ANKRD6: variants seen among roughly 807,000 people sequenced by gnomAD.
ANKRD6 encodes the protein ankyrin repeat domain 6.
A neutral mutation model predicts 82.3 loss-of-function variants in ANKRD6; 56 were observed. The ratio of observed to expected loss-of-function variants is 0.68; its 90% CI spans 0.55 to 0.85. The LOEUF (loss-of-function observed/expected upper bound fraction) is 0.85, where lower values mean the gene tolerates loss of function less well. Among genes scored for constraint, ANKRD6 ranks in the 40% least tolerant of loss-of-function variants. ANKRD6 has a pLI of 0.00. For missense variants in ANKRD6, 852 were observed against 907.6 expected (o/e 0.94, Z 0.79); for synonymous variants, 347 against 352.1 (o/e 0.99, Z 0.16).
chr6:89,560,485 T>C (rs781480177), intron 1 of ANKRD6, among the ~76,000 whole-genome samples: 3 of 152,240 alleles, frequency 2.0e-5, no homozygotes, highest in Non-Finnish European at 4.4e-5. Flanking sequence ...CTTCAACATA[T>C]GAATTGGGGG....
chr6:89,579,267 A>G (rs1791888103), intron 2 of ANKRD6, among the ~76,000 whole-genome samples: 1 of 152,242 alleles, frequency 6.6e-6, no homozygotes, highest in Non-Finnish European at 1.5e-5. Flanking sequence ...TTTAAGCACT[A>G]CCTGAATCAG....
At chr6:89,545,235 A>C (rs1254844984) in intron 1 of ANKRD6, among the ~76,000 whole-genome samples, 1 of 151,752 alleles carries the variant, frequency 6.6e-6, no homozygotes, top group African/African-American at 2.4e-5. Context: ...AAAAAAGAAA[A>C]GAAAAAGGGC....
chr6:89,598,436 G>A lies in ANKRD6; in HGVS notation c.219+2422G>A, dbSNP rs550271772. On this transcript the variant is annotated intron_variant, in intron 3 of 15. Coordinates refer to ENST00000339746, the MANE Select transcript of ANKRD6 (RefSeq NM_001242809.2). The stretch of plus-strand genomic sequence containing the variant: ...AGATCAGAGAGAGAAAAAGAGGTCA[G>A]CAACTTGCTTTACACACCTAACCTG... 4.4e-4 allele frequency: 434 copies of A among 985,118 alleles called. 13 individuals are homozygous for A. In the South Asian group the frequency reaches 0.018, roughly 41 times the overall value. The allele number at this position is 985,118 out of a possible 1,614,324, so 61.0% of individuals were successfully genotyped here.
chr6:89,499,922 TA>T (rs1779080056), intron 1 of ANKRD6, among the ~76,000 whole-genome samples: 1 of 151,640 alleles, frequency 6.6e-6, no homozygotes, highest in Non-Finnish European at 1.5e-5. Context: ...AACCAAAGAG[TA>T]ATGGAGACAA....
chr6:89,611,420 C>T (rs1371265735), intron 5 of ANKRD6, among the ~76,000 whole-genome samples: 8 of 152,196 alleles, frequency 5.3e-5, no homozygotes. Context: ...GACACAATGT[C>T]ACCTATCACA....
At chr6:89,584,435 T>C (rs938032730) in intron 2 of ANKRD6, among the ~76,000 whole-genome samples, 34 of 152,242 alleles carry the variant, frequency 2.2e-4, no homozygotes, top group African/African-American at 8.2e-4. Flanking sequence ...TAAGTTATAA[T>C]GACTTAGGTT....
intron 1 of ANKRD6, among the ~76,000 whole-genome samples, chr6:89,452,515 C>CAT (rs1475185854): frequency 1.3e-5 from 2 of 152,222 alleles, no homozygotes; most frequent in African/African-American, 4.8e-5. Flanking sequence ...GAGTAAATGA[C>CAT]ATTCATTAAG....
chr6:89,620,341 G>A lies in ANKRD6; in HGVS notation c.793-1581G>A, dbSNP rs539988610. 2.0e-5 allele frequency: 3 copies of A among 152,282 alleles called. No homozygotes were observed. In the East Asian group the frequency reaches 5.8e-4, roughly 29 times the overall value. The allele number at this position is 152,282 out of a possible 1,614,324, so 9.4% of individuals were successfully genotyped here. On this transcript the variant is annotated intron_variant, in intron 9 of 15. Transcript: ENST00000339746. ...TTTGCTGATTCTTATTTTGGGTTTGGGTGACCTCTGAGTGTCACTTGTCAT... is the reference window on the plus strand; with the variant it reads ...TTTGCTGATTCTTATTTTGGGTTTGAGTGACCTCTGAGTGTCACTTGTCAT...
intron 1 of ANKRD6, chr6:89,508,967 G>C (rs1780202033): frequency 6.6e-6 from 1 of 152,452 alleles, no homozygotes; most frequent in African/African-American, 2.4e-5. Flanking sequence ...AGGTGAGGAG[G>C]GTGCTTCCAA....
chr6:89,486,603 G>A (rs1777407066), intron 1 of ANKRD6, among the ~76,000 whole-genome samples: 1 of 152,046 alleles, frequency 6.6e-6, no homozygotes, highest in Admixed American at 6.6e-5. Context: ...TGTCAGCATG[G>A]ATTAGTTCTT....
chr6:89,437,612 A>G lies in ANKRD6; in HGVS notation c.-144+4237A>G, dbSNP rs145545988. ...TTTGGGGGAGGCAAATTTAATTTTAAGAGTGTCTTCTGGTTTACACTTTAT... is the reference window on the plus strand; with the variant it reads ...TTTGGGGGAGGCAAATTTAATTTTAGGAGTGTCTTCTGGTTTACACTTTAT... On this transcript the variant is annotated intron_variant, in intron 1 of 15. Coordinates refer to ENST00000339746, the MANE Select transcript of ANKRD6 (RefSeq NM_001242809.2). 2.4e-3 allele frequency among the ~76,000 whole-genome samples: 371 copies of G among 152,350 alleles called. 1 individual carries two copies. The highest frequency in any genetic ancestry group is 8.4e-3 in the African/African-American group (350 of 41,590).
rs566741175 is a variant in ANKRD6 at position 89,615,918 on chromosome 6, A to C, written c.616-641A>C. On this transcript the variant is annotated intron_variant, in intron 7 of 15. Transcript: ENST00000339746. ...AGCATATTTCTTGTATAAAGATAAT[A>C]TGAACATTTATTTATAGGCTATCTG... 1.3e-5 allele frequency among the ~76,000 whole-genome samples: 2 copies of C among 152,380 alleles called. 1 individual carries two copies. The highest frequency in any genetic ancestry group is 4.1e-4 in the South Asian group (2 of 4,832).
At chr6:89,540,775 C>T (rs1000241129) in intron 1 of ANKRD6, among the ~76,000 whole-genome samples, 1 of 152,170 alleles carries the variant, frequency 6.6e-6, no homozygotes, top group African/African-American at 2.4e-5. Context: ...AGATTTAAGT[C>T]TTTAATCCAT....
intron 3 of ANKRD6, among the ~76,000 whole-genome samples, chr6:89,598,805 A>G (rs1246656599): frequency 6.6e-6 from 1 of 152,128 alleles, no homozygotes; most frequent in African/African-American, 2.4e-5. Context: ...TGCTTCTTGT[A>G]GTTAATCATT....
chr6:89,590,003 C>G (rs1174807944), intron 2 of ANKRD6, among the ~76,000 whole-genome samples: 1 of 152,140 alleles, frequency 6.6e-6, no homozygotes, highest in Non-Finnish European at 1.5e-5. Flanking sequence ...TTTAAAGGGT[C>G]AAAGGCAGTG....
rs1336487161 is a variant in ANKRD6, at chr6:89,567,021, C to T, written c.45C>T (p.Leu15=). 2.5e-6 allele frequency: 4 copies of T among 1,605,864 alleles called. No individual in the cohort carries two copies. The highest frequency in any genetic ancestry group is 4.5e-5 in the East Asian group (2 of 44,702). The part of the protein sequence containing the change: ...DAVAALSERL[L]VAAYKGQTEN... ...TCGCTGCACTTTCAGAGCGCCTTCTCGTAGCTGCGTACAAAGGCCAAACAG... is the reference window on the plus strand; with the variant it reads ...TCGCTGCACTTTCAGAGCGCCTTCTTGTAGCTGCGTACAAAGGCCAAACAG... The change falls in exon 2 of 16, where the codon CTC becomes CTT. Residue 15 remains leucine, a synonymous_variant. Coordinates refer to ENST00000339746, the MANE Select transcript of ANKRD6 (RefSeq NM_001242809.2).
At chr6:89,620,938 G>A (rs918402898) in intron 9 of ANKRD6, among the ~76,000 whole-genome samples, 4 of 151,962 alleles carry the variant, frequency 2.6e-5, no homozygotes, top group Admixed American at 6.6e-5. Context: ...GCATGGTGGC[G>A]GGCGCCTGTA....
rs1048194480 is a variant in ANKRD6, at chr6:89,433,204, G to A, written c.-315G>A. Reference sequence around the variant, plus strand: ...GGGCTCGGCCACAGGTAACCCGCAGGAGCCGAGAGCGCTGCCTGGCGCGCG... The same window carrying A: ...GGGCTCGGCCACAGGTAACCCGCAGAAGCCGAGAGCGCTGCCTGGCGCGCG... On this transcript the variant is annotated 5_prime_UTR_variant, in exon 1 of 16. Transcript: ENST00000339746. The surrounding 1 kb of genome is among the most constrained non-coding windows in gnomAD (Gnocchi z 4.3). 1 of 151,522 alleles carries A rather than the reference G, an allele frequency of 6.6e-6. No homozygotes were observed. Among genetic ancestry groups the A allele is most frequent in the Admixed American group, 6.6e-5 (1 of 15,194 alleles). The allele number at this position is 151,522 out of a possible 1,614,324, so 9.4% of individuals were successfully genotyped here.
intron 1 of ANKRD6, among the ~76,000 whole-genome samples, chr6:89,482,086 A>G (rs937124713): frequency 5.3e-5 from 8 of 152,148 alleles, no homozygotes; most frequent in Non-Finnish European, 7.4e-5. Flanking sequence ...GGCACTTCCT[A>G]GGAACTCCTT....
Sources: allele counts gnomAD v4.1 joint callset (sites outside exome capture counted in the v4.1 genomes callset), GRCh38; gene constraint gnomAD v4.1.1; non-coding constraint Gnocchi (gnomAD v3.1); transcripts MANE v1.5; gene names NCBI Gene and HGNC (gene_info 2026-07-23, HGNC 2026-07-21).